Variants in PCCA observed in about 807,000 individuals in gnomAD.
PCCA encodes propionyl-CoA carboxylase subunit alpha.
In PCCA, 74 loss-of-function variants were observed where a neutral mutation model predicts 101.3. That is an observed-to-expected ratio of 0.73 (90% confidence interval 0.61 to 0.89). PCCA has a LOEUF of 0.89. Among genes scored for constraint, PCCA ranks in the 40% least tolerant of loss-of-function variants. PCCA has a pLI of 0.00. For missense variants in PCCA, 891 were observed against 907.0 expected (o/e 0.98, Z 0.23); for synonymous variants, 294 against 313.6 (o/e 0.94, Z 0.66).
rs1594156697 is a variant in PCCA, at chr13:100,113,683, A to G, written c.300+1622A>G. 2.0e-5 allele frequency among the ~76,000 whole-genome samples: 3 copies of G among 149,900 alleles called. No homozygotes were observed. The Admixed American group carries it at 2.0e-4, about 10-fold the overall frequency. Reference sequence around the variant, plus strand: ...AACCTCTGTCTCCCGGGTTCAAGCCATTCTCCTGCCTCATCCTCTCCAGTA... The same window carrying G: ...AACCTCTGTCTCCCGGGTTCAAGCCGTTCTCCTGCCTCATCCTCTCCAGTA... On this transcript the variant is annotated intron_variant, in intron 4 of 23. Coordinates refer to ENST00000376285, the MANE Select transcript of PCCA (RefSeq NM_000282.4).
chr13:100,425,984 C>T (rs2152894473), intron 20 of PCCA, among the ~76,000 whole-genome samples: 1 of 151,730 alleles, frequency 6.6e-6, no homozygotes, highest in African/African-American at 2.4e-5. Context: ...AGGAATTCTG[C>T]AGGCTTTTCT....
At chr13:100,454,288 C>G (rs186406243) in intron 21 of PCCA, among the ~76,000 whole-genome samples, 5 of 152,288 alleles carry the variant, frequency 3.3e-5, no homozygotes, top group Non-Finnish European at 7.4e-5. Context: ...CAGTTTATAC[C>G]TAGCAGGAAT....
chr13:100,455,563 A>G (rs2081644981), intron 21 of PCCA, among the ~76,000 whole-genome samples: 1 of 152,156 alleles, frequency 6.6e-6, no homozygotes, highest in African/African-American at 2.4e-5. Context: ...GCAATGCAGG[A>G]TGCTGTGGTG....
chr13:100,422,127 C>CTTTT (rs1567109750), intron 19 of PCCA, among the ~76,000 whole-genome samples: 1 of 74,756 alleles, frequency 1.3e-5, no homozygotes, highest in African/African-American at 6.0e-5. Context: ...TCTTTTCTTT[C>CTTTT]TTTCTTTCTT....
chr13:100,422,587 T>A (rs144026028), intron 19 of PCCA, among the ~76,000 whole-genome samples: 3 of 152,358 alleles, frequency 2.0e-5, no homozygotes, highest in African/African-American at 7.2e-5. Context: ...CAGTTACATA[T>A]TCTTTCTAAC....
intron 7 of PCCA, among the ~76,000 whole-genome samples, chr13:100,213,810 C>G (rs1042904395): frequency 2.0e-5 from 3 of 152,142 alleles, no homozygotes; most frequent in Non-Finnish European, 4.4e-5. Flanking sequence ...TTGCCCAGAC[C>G]AGCATCTTAC....
chr13:100,501,953 TG>T (rs2085717314), intron 21 of PCCA, among the ~76,000 whole-genome samples: 1 of 152,072 alleles, frequency 6.6e-6, no homozygotes, highest in South Asian at 2.1e-4. Flanking sequence ...TAGCGGTCTG[TG>T]GTTTTACTAG....
chr13:100,210,769 A>G (rs139082323), intron 7 of PCCA, among the ~76,000 whole-genome samples: 1 of 152,108 alleles, frequency 6.6e-6, no homozygotes, highest in Non-Finnish European at 1.5e-5. Flanking sequence ...TACTTTTGGC[A>G]TTCTGTGTTG....
At position 100,472,872 on chromosome 13, in the gene PCCA, T is replaced by TAA. The variant is rs112926036; in HGVS notation, c.1899+23580_1899+23581dup. ...TGGAAAATGTTAAAGTATCATAAGATAAAAAAAAAAAAAATTTAAACCTGA... is the reference window on the plus strand; with the variant it reads ...TGGAAAATGTTAAAGTATCATAAGATAAAAAAAAAAAAAAAATTTAAACCTGA... On this transcript the variant is annotated intron_variant, in intron 21 of 23. Transcript: ENST00000376285. Among the ~76,000 whole-genome samples the TAA allele has an allele frequency of 9.9e-3, 1,416 of 143,282 alleles. 18 individuals carry two copies. The highest frequency in any genetic ancestry group is 0.033 in the African/African-American group (1,294 of 38,806). 94.0% of individuals were successfully genotyped at this position (143,282 alleles called of 152,430 possible).
At chr13:100,124,606 C>T (rs1207790059) in intron 4 of PCCA, among the ~76,000 whole-genome samples, 1 of 151,936 alleles carries the variant, frequency 6.6e-6, no homozygotes, top group Admixed American at 6.6e-5. Flanking sequence ...GGGGAGGGAC[C>T]GAGGACGAAT....
chr13:100,182,403 A>G (rs1234251898), intron 6 of PCCA, among the ~76,000 whole-genome samples: 4 of 152,124 alleles, frequency 2.6e-5, no homozygotes, highest in South Asian at 2.1e-4. Context: ...ACTAATATTC[A>G]GTTTTAAATT....
intron 22 of PCCA, among the ~76,000 whole-genome samples, chr13:100,517,677 G>A (rs541318706): frequency 1.1e-4 from 17 of 152,154 alleles, no homozygotes; most frequent in Non-Finnish European, 1.8e-4. Context: ...GGCTGCTCAG[G>A]TGGGGCGTAT....
At chr13:100,143,879 C>T (rs1212941291) in intron 4 of PCCA, among the ~76,000 whole-genome samples, 1 of 152,014 alleles carries the variant, frequency 6.6e-6, no homozygotes, top group Non-Finnish European at 1.5e-5. Flanking sequence ...CTCAGCCTCC[C>T]AAGCAGCTGG....
chr13:100,260,892 TA>T (rs767024619), intron 9 of PCCA, among the ~76,000 whole-genome samples: 720 of 137,042 alleles, frequency 5.3e-3, no homozygotes, highest in Middle Eastern at 0.011. Flanking sequence ...AACCATCCTT[TA>T]AAAAAAAAAA....
intron 20 of PCCA, among the ~76,000 whole-genome samples, chr13:100,441,253 GA>G (rs895688764): frequency 2.0e-5 from 3 of 152,122 alleles, no homozygotes; most frequent in African/African-American, 7.2e-5. Flanking sequence ...AGTAAATGTG[GA>G]AAATAATACA....
intron 4 of PCCA, among the ~76,000 whole-genome samples, chr13:100,117,103 C>G (rs1205187137): frequency 2.0e-5 from 3 of 152,174 alleles, no homozygotes; most frequent in African/African-American, 4.8e-5. Context: ...CTTGCCAACA[C>G]TTGGTGTTTT....
chr13:100,277,502 C>T (rs1297789844), intron 12 of PCCA, among the ~76,000 whole-genome samples: 2 of 152,206 alleles, frequency 1.3e-5, no homozygotes, highest in East Asian at 3.9e-4. Flanking sequence ...GTTTTCTAGT[C>T]CCCAATAAGC....
At chr13:100,263,948 G>A (rs1414012847) in intron 10 of PCCA, among the ~76,000 whole-genome samples, 2 of 149,074 alleles carry the variant, frequency 1.3e-5, no homozygotes, top group Admixed American at 1.3e-4. Context: ...CATATATACG[G>A]TATCTGTATG....
intron 19 of PCCA, among the ~76,000 whole-genome samples, chr13:100,411,526 A>G (rs2152870974): frequency 6.6e-6 from 1 of 152,338 alleles, no homozygotes; most frequent in Non-Finnish European, 1.5e-5. Context: ...CATTTTCCCA[A>G]ATTAACTGGT....
Sources: gnomAD v4.1 joint callset for allele counts (sites outside exome capture counted in the v4.1 genomes callset) on GRCh38, gnomAD v4.1.1 for gene constraint, MANE v1.5 for transcripts, NCBI Gene and HGNC (gene_info 2026-07-23, HGNC 2026-07-21) for gene names.